INSL6: variants seen among roughly 807,000 people sequenced by gnomAD.
The protein encoded by INSL6 is insulin-like peptide INSL6.
INSL6 carries 16 observed loss-of-function variants against 9.4 expected under a neutral mutation model. That is an observed-to-expected ratio of 1.70 (90% CI 1.15 to 2.59). INSL6 has a LOEUF of 2.59. Ranked by LOEUF, INSL6 falls within the 30% of genes most tolerant of loss-of-function variation. The pLI is 0.00. For missense variants in INSL6, 391 were observed against 257.3 expected (o/e 1.52, Z -3.56); for synonymous variants, 154 against 96.9 (o/e 1.59, Z -3.46).
chr9:5,040,788 G>A, the INSL6 span, among the ~76,000 whole-genome samples: 3 of 152,226 alleles, frequency 2.0e-5, no homozygotes, highest in South Asian at 6.2e-4. Flanking sequence ...ACATGCGGTG[G>A]CTGGCCCAGG....
chr9:5,042,124 CTTTTTTTTT>C, the INSL6 span, among the ~76,000 whole-genome samples: 55 of 107,616 alleles, frequency 5.1e-4, no homozygotes, highest in African/African-American at 1.9e-3. Flanking sequence ...GCCAAAATTT[CTTTTTTTTT>C]TTTTTTTTTT....
chr9:5,088,596 T>C, the INSL6 span, among the ~76,000 whole-genome samples: 16 of 152,234 alleles, frequency 1.1e-4, no homozygotes, highest in African/African-American at 3.9e-4. Context: ...ACTTCTTAAT[T>C]TGCTTTGGCT....
At chr9:5,088,377 C>G in the INSL6 span, among the ~76,000 whole-genome samples, 11 of 152,100 alleles carry the variant, frequency 7.2e-5, no homozygotes, top group Admixed American at 7.2e-4. Context: ...TCTTGTAACT[C>G]AAGAACTACA....
chr9:5,170,285 A>G (rs1039061511), intron 1 of INSL6, among the ~76,000 whole-genome samples: 1 of 152,216 alleles, frequency 6.6e-6, no homozygotes, highest in Non-Finnish European at 1.5e-5. Flanking sequence ...GCAGAAATCA[A>G]GAAGTTCTTT....
intron 3 of INSL6, chr9:5,127,294 C>T (rs909552196): frequency 1.3e-5 from 3 of 232,036 alleles, no homozygotes; most frequent in African/African-American, 6.6e-5. Flanking sequence ...ACTATACAAA[C>T]AAATTAAGAT....
the INSL6 span, chr9:5,081,662 A>G: frequency 8.5e-7 from 1 of 1,179,834 alleles, no homozygotes; most frequent in East Asian, 2.3e-5. Context: ...TTGAATGTAT[A>G]TCAGTTTAGT....
chr9:5,091,995 C>T, the INSL6 span, among the ~76,000 whole-genome samples: 23 of 151,882 alleles, frequency 1.5e-4, no homozygotes, highest in African/African-American at 2.4e-4. Flanking sequence ...AAGATACTGC[C>T]GATTGCTAGG....
At chr9:4,997,146 G>A in the INSL6 span, among the ~76,000 whole-genome samples, 1 of 151,732 alleles carries the variant, frequency 6.6e-6, no homozygotes, top group East Asian at 1.9e-4. Context: ...CACTCAGTCT[G>A]GTCTTGAACT....
chr9:5,105,330 C>G, the INSL6 span, among the ~76,000 whole-genome samples: 1 of 152,114 alleles, frequency 6.6e-6, no homozygotes, highest in Non-Finnish European at 1.5e-5. Flanking sequence ...AATAAAATAC[C>G]TGGGAATCCA....
the INSL6 span, among the ~76,000 whole-genome samples, chr9:5,076,254 A>T: frequency 6.6e-6 from 1 of 152,194 alleles, no homozygotes; most frequent in African/African-American, 2.4e-5. Context: ...AGGGTTTGAG[A>T]GGACTGACCC....
At chr9:5,166,460 C>CA (rs1268802048) in intron 1 of INSL6, among the ~76,000 whole-genome samples, 1 of 148,424 alleles carries the variant, frequency 6.7e-6, no homozygotes, top group Non-Finnish European at 1.5e-5. Context: ...TAATCAGGAA[C>CA]AAAAAAGATG....
At chr9:5,083,434 C>T in the INSL6 span, among the ~76,000 whole-genome samples, 5 of 152,146 alleles carry the variant, frequency 3.3e-5, no homozygotes, top group African/African-American at 1.2e-4. Context: ...CTGTTATTAT[C>T]AGCTATTCCT....
chr9:5,114,179 GCAA>G, the INSL6 span: 4 of 436,752 alleles, frequency 9.2e-6, no homozygotes, highest in South Asian at 4.1e-5. Context: ...ATTCTAACCC[GCAA>G]GGGGTGAGCA....
chr9:5,041,027 C>G, the INSL6 span: 4 of 669,140 alleles, frequency 6.0e-6, no homozygotes, highest in Admixed American at 2.1e-5. Flanking sequence ...CACCTGGGTA[C>G]CGGTTCTACA....
the INSL6 span, among the ~76,000 whole-genome samples, chr9:5,113,070 C>T: frequency 8.5e-5 from 13 of 152,148 alleles, no homozygotes; most frequent in African/African-American, 2.2e-4. Context: ...CCTGGGACCC[C>T]GGCTCACCCC....
the INSL6 span, chr9:5,021,885 G>A: frequency 1.3e-6 from 1 of 762,662 alleles, no homozygotes; most frequent in Non-Finnish European, 2.1e-6. Flanking sequence ...TGCCCGCCTC[G>A]GCCCCGCAAA....
chr9:5,168,401 A>C (rs1460512589), intron 1 of INSL6, among the ~76,000 whole-genome samples: 1 of 152,212 alleles, frequency 6.6e-6, no homozygotes, highest in Non-Finnish European at 1.5e-5. Flanking sequence ...TGGAGCTGAA[A>C]AACACAACAC....
the INSL6 span, among the ~76,000 whole-genome samples, chr9:5,061,470 T>C: frequency 9.1e-4 from 138 of 152,380 alleles, 1 homozygote; most frequent in Non-Finnish European, 1.7e-3. Flanking sequence ...CTTGCACTTA[T>C]GCTGTGCACA....
chr9:5,050,676 T>C, the INSL6 span: 1 of 1,607,580 alleles, frequency 6.2e-7, no homozygotes, highest in East Asian at 2.2e-5. Context: ...CTTCAAATTT[T>C]TGGTTTTAGT....
Sources: allele counts gnomAD v4.1 joint callset (sites outside exome capture counted in the v4.1 genomes callset), GRCh38; gene constraint gnomAD v4.1.1; transcripts MANE v1.5; gene names NCBI Gene and HGNC (gene_info 2026-07-23, HGNC 2026-07-21).